Variants in ANKH observed in about 807,000 individuals in gnomAD.
ANKH encodes mineralization regulator ANKH.
ANKH carries 15 observed loss-of-function variants against 49.0 expected under a neutral mutation model. The observed-to-expected ratio is 0.31, with a 90% confidence interval of 0.20 to 0.47. The LOEUF (loss-of-function observed/expected upper bound fraction) is 0.47. Among genes scored for constraint, ANKH ranks in the 20% least tolerant of loss-of-function variants. The pLI is 1.00. For synonymous variants in ANKH, 273 were observed against 260.0 expected, an observed-to-expected ratio of 1.05 and a Z score of -0.48; for missense variants, 429 against 652.0, an observed-to-expected ratio of 0.66 and a Z score of 3.72.
intron 2 of ANKH, among the ~76,000 whole-genome samples, chr5:14,764,901 C>T (rs10513185): frequency 0.093 from 14,225 of 152,244 alleles, 722 homozygotes; most frequent in Admixed American, 0.11. Flanking sequence ...AAGGGCCTTA[C>T]AGGTTACTGT....
At chr5:14,756,843 A>G (rs1033532168) in intron 3 of ANKH, among the ~76,000 whole-genome samples, 3 of 152,134 alleles carry the variant, frequency 2.0e-5, no homozygotes, top group African/African-American at 2.4e-5. Context: ...CATTATTTTC[A>G]TTTTTATAAG....
intron 2 of ANKH, among the ~76,000 whole-genome samples, chr5:14,761,876 CT>C (rs1739097958): frequency 6.6e-6 from 1 of 152,026 alleles, no homozygotes; most frequent in South Asian, 2.1e-4. Flanking sequence ...AGCAATTCTC[CT>C]GTCTCAGCCT....
chr5:14,830,510 A>AGTGTGTGTGT (rs35379260), intron 1 of ANKH, among the ~76,000 whole-genome samples: 80 of 147,386 alleles, frequency 5.4e-4, no homozygotes, highest in African/African-American at 1.7e-3. Flanking sequence ...AGGTAGGGGG[A>AGTGTGTGTGT]GTGTGTGTGT....
chr5:14,809,348 A>G (rs1414831139), intron 1 of ANKH, among the ~76,000 whole-genome samples: 3 of 147,442 alleles, frequency 2.0e-5, no homozygotes, highest in Non-Finnish European at 4.5e-5. Context: ...AAAAAAAAAA[A>G]AAAAAAAAAG....
chr5:14,867,269 G>A (rs1735674990), intron 1 of ANKH, among the ~76,000 whole-genome samples: 1 of 152,082 alleles, frequency 6.6e-6, no homozygotes, highest in Admixed American at 6.5e-5. Context: ...GACCAGGTGG[G>A]TATGGGCTTG....
intron 1 of ANKH, among the ~76,000 whole-genome samples, chr5:14,809,843 C>A (rs1740824720): frequency 6.6e-6 from 1 of 152,014 alleles, no homozygotes; most frequent in Non-Finnish European, 1.5e-5. Context: ...TCTGAGTCAG[C>A]CCCGTCTCGG....
chr5:14,723,356 T>TA (rs112862391), intron 8 of ANKH, among the ~76,000 whole-genome samples: 51,855 of 148,590 alleles, frequency 0.35, 9,683 homozygotes, highest in Non-Finnish European at 0.42. Flanking sequence ...ATTCTTTTTT[T>TA]AAAAAAAAAA....
chr5:14,736,996 G>A (rs760745896), intron 8 of ANKH, among the ~76,000 whole-genome samples: 7 of 152,208 alleles, frequency 4.6e-5, no homozygotes, highest in Non-Finnish European at 8.8e-5. Context: ...CAGATGTTCT[G>A]AAAATGCCAT....
chr5:14,773,766 T>C (rs566153557), intron 1 of ANKH, among the ~76,000 whole-genome samples: 19 of 152,236 alleles, frequency 1.2e-4, no homozygotes, highest in Non-Finnish European at 2.6e-4. Flanking sequence ...TTGCCGCTTT[T>C]GTTTACTGCT....
chr5:14,809,494 G>A (rs1332262685), intron 1 of ANKH, among the ~76,000 whole-genome samples: 1 of 152,122 alleles, frequency 6.6e-6, no homozygotes. Context: ...GGAAGGTGCT[G>A]CAGTGAGCCG....
intron 2 of ANKH, among the ~76,000 whole-genome samples, chr5:14,764,791 G>A (rs948366103): frequency 1.3e-5 from 2 of 152,158 alleles, no homozygotes; most frequent in Non-Finnish European, 2.9e-5. Context: ...AAACAGAACT[G>A]GTCCAGAAAT....
At chr5:14,788,850 CCT>C (rs1258947785) in intron 1 of ANKH, among the ~76,000 whole-genome samples, 2 of 152,132 alleles carry the variant, frequency 1.3e-5, no homozygotes, top group Non-Finnish European at 2.9e-5. Flanking sequence ...TGGAATGCTC[CCT>C]GAGCAGCTGT....
intron 2 of ANKH, among the ~76,000 whole-genome samples, chr5:14,759,724 G>A (rs531960639): frequency 2.6e-4 from 38 of 146,234 alleles, no homozygotes; most frequent in East Asian, 1.1e-3. Flanking sequence ...GCCACTGTAC[G>A]TCACCCTGGG....
chr5:14,828,026 C>T (rs1193899102), intron 1 of ANKH, among the ~76,000 whole-genome samples: 1 of 152,220 alleles, frequency 6.6e-6, no homozygotes, highest in African/African-American at 2.4e-5. Context: ...CAATTACAGA[C>T]AAACTAAAAC....
intron 2 of ANKH, among the ~76,000 whole-genome samples, chr5:14,766,442 C>T (rs969779727): frequency 6.6e-6 from 1 of 152,056 alleles, no homozygotes. Flanking sequence ...TGCTGAAATG[C>T]AATTCATCCT....
chr5:14,716,603 T>A, intron 9 of ANKH, 103 bp downstream of exon 9: 1 of 1,524,726 alleles, frequency 6.6e-7, no homozygotes, highest in Non-Finnish European at 9.0e-7. Flanking sequence ...CACAGTGAAA[T>A]TTTACATTTG....
intron 7 of ANKH, among the ~76,000 whole-genome samples, chr5:14,742,886 C>G (rs942187536): frequency 1.3e-5 from 2 of 152,222 alleles, no homozygotes; most frequent in Non-Finnish European, 2.9e-5. Context: ...AAAACGAGGG[C>G]CTGGCCCCCA....
At chr5:14,726,442 C>T (rs1737825315) in intron 8 of ANKH, among the ~76,000 whole-genome samples, 1 of 152,102 alleles carries the variant, frequency 6.6e-6, no homozygotes, top group East Asian at 1.9e-4. Flanking sequence ...AGGGCTGAAT[C>T]AAGGATCCTC....
chr5:14,808,431 C>T (rs948373322), intron 1 of ANKH, among the ~76,000 whole-genome samples: 4 of 152,168 alleles, frequency 2.6e-5, no homozygotes, highest in African/African-American at 9.7e-5. Flanking sequence ...TACTCATTCT[C>T]ATCACTTACA....
Sources: allele counts gnomAD v4.1 joint callset (sites outside exome capture counted in the v4.1 genomes callset), GRCh38; gene constraint gnomAD v4.1.1; transcripts MANE v1.5; gene names NCBI Gene and HGNC (gene_info 2026-07-23, HGNC 2026-07-21).